Variants in AUTS2 observed in about 807,000 individuals in gnomAD.
The protein encoded by AUTS2 is activator of transcription and developmental regulator AUTS2.
In AUTS2, 17 loss-of-function variants were observed where a neutral mutation model predicts 112.4. The ratio of observed to expected loss-of-function variants is 0.15; its 90% confidence interval spans 0.10 to 0.23. AUTS2 has a LOEUF of 0.23. AUTS2 is among the 10% of genes least tolerant of loss of function. The pLI is 1.00. For missense variants in AUTS2, 1,510 were observed against 1,701.6 expected (o/e 0.89, Z 1.98); for synonymous variants, 751 against 702.7 (o/e 1.07, Z -1.09).
intron 1 of AUTS2, among the ~76,000 whole-genome samples, chr7:69,765,517 G>C (rs1174107864): frequency 6.6e-6 from 1 of 152,150 alleles, no homozygotes; most frequent in Non-Finnish European, 1.5e-5. Flanking sequence ...GGGTCTCACT[G>C]TGTTGCCCAG....
chr7:69,689,142 G>T (rs1458040363), intron 1 of AUTS2, among the ~76,000 whole-genome samples: 1 of 151,910 alleles, frequency 6.6e-6, no homozygotes, highest in Non-Finnish European at 1.5e-5. Flanking sequence ...CTACCTTGAG[G>T]TCTAGTTTCC....
intron 4 of AUTS2, among the ~76,000 whole-genome samples, chr7:70,207,087 T>A (rs1198780668): frequency 6.6e-6 from 1 of 152,202 alleles, no homozygotes; most frequent in African/African-American, 2.4e-5. Flanking sequence ...CTTTGTTCTT[T>A]TAAGGTCCTT....
chr7:70,206,164 T>C (rs1810564855), intron 4 of AUTS2, among the ~76,000 whole-genome samples: 1 of 152,172 alleles, frequency 6.6e-6, no homozygotes, highest in Non-Finnish European at 1.5e-5. Context: ...CCTCCGTTAA[T>C]GCACACTAGC....
At chr7:70,731,468 T>C (rs1012232669) in intron 6 of AUTS2, among the ~76,000 whole-genome samples, 29 of 136,822 alleles carry the variant, frequency 2.1e-4, no homozygotes, top group Admixed American at 1.2e-3. Context: ...CTCGCTCTGT[T>C]GCCCAGGCTG....
intron 1 of AUTS2, among the ~76,000 whole-genome samples, chr7:69,862,992 C>T (rs1299884375): frequency 2.0e-5 from 3 of 152,164 alleles, no homozygotes; most frequent in East Asian, 1.9e-4. Flanking sequence ...ATTTCCGAGA[C>T]GTTTGGCTCA....
At chr7:70,739,391 G>A (rs541727482) in intron 6 of AUTS2, among the ~76,000 whole-genome samples, 10 of 148,232 alleles carry the variant, frequency 6.7e-5, no homozygotes, top group African/African-American at 2.5e-4. Context: ...TGTTGCCCAG[G>A]CCCCTCTCAA....
intron 5 of AUTS2, among the ~76,000 whole-genome samples, chr7:70,697,324 G>T (rs1809171710): frequency 6.6e-6 from 1 of 152,014 alleles, no homozygotes; most frequent in Non-Finnish European, 1.5e-5. Context: ...TTTCTGGATT[G>T]GTTAATCATA....
In AUTS2 at chr7:69,599,360, G is replaced by A. The variant is rs941569037; in HGVS notation, c.-294G>A. The A allele has an allele frequency of 1.5e-5, 5 of 328,966 alleles. No individual in the cohort carries two copies. Among genetic ancestry groups the A allele is most frequent in the Non-Finnish European group, 2.7e-5 (5 of 181,822 alleles). The allele number at this position is 328,966 out of a possible 1,614,324, so 20.4% of individuals were successfully genotyped here. A position where few individuals can be genotyped will look rare whatever the true frequency, so the allele number is the denominator to read the frequency against. On this transcript the variant is annotated 5_prime_UTR_variant, in exon 1 of 19. Coordinates refer to ENST00000342771, the MANE Select transcript of AUTS2 (RefSeq NM_015570.4). The surrounding 1 kb of genome is among the most constrained non-coding windows in gnomAD (Gnocchi z 7.0). Reference sequence around the variant, plus strand: ...GTGTGTTCAGCCATTACTTTGCTCGGCGCTGCTCCCAGGCATCTCCGACCC... The same window carrying A: ...GTGTGTTCAGCCATTACTTTGCTCGACGCTGCTCCCAGGCATCTCCGACCC...
intron 4 of AUTS2, among the ~76,000 whole-genome samples, chr7:70,420,893 A>G (rs1795190286): frequency 6.6e-6 from 1 of 152,186 alleles, no homozygotes; most frequent in Non-Finnish European, 1.5e-5. Context: ...CAAATTGTGC[A>G]TTTCAAATAC....
chr7:70,128,335 C>T (rs939478098), intron 3 of AUTS2, among the ~76,000 whole-genome samples: 9 of 152,166 alleles, frequency 5.9e-5, no homozygotes, highest in Admixed American at 2.0e-4. Flanking sequence ...CATGAAGTTT[C>T]CATTCTAGTG....
intron 2 of AUTS2, among the ~76,000 whole-genome samples, chr7:69,979,928 A>T (rs1005264872): frequency 1.3e-5 from 2 of 152,124 alleles, no homozygotes; most frequent in Admixed American, 6.5e-5. Context: ...TATAGTAGTT[A>T]TTTACTGTAT....
intron 5 of AUTS2, among the ~76,000 whole-genome samples, chr7:70,562,270 T>C (rs1331097081): frequency 1.3e-5 from 2 of 152,194 alleles, no homozygotes; most frequent in Admixed American, 1.3e-4. Context: ...CTAGCAAATA[T>C]AGATTAGACC....
At chr7:70,769,794 G>A (rs530546496) in intron 10 of AUTS2, among the ~76,000 whole-genome samples, 1 of 152,274 alleles carries the variant, frequency 6.6e-6, no homozygotes, top group South Asian at 2.1e-4. Flanking sequence ...ACAGTCCTAG[G>A]CCAAAGATGG....
intron 5 of AUTS2, among the ~76,000 whole-genome samples, chr7:70,651,368 C>T (rs887972259): frequency 3.9e-5 from 6 of 152,166 alleles, no homozygotes; most frequent in Admixed American, 6.5e-5. Context: ...TTTTGTGAGG[C>T]GACTTCTGTA....
intron 1 of AUTS2, among the ~76,000 whole-genome samples, chr7:69,632,616 CCT>C (rs973620129): frequency 6.7e-6 from 1 of 149,178 alleles, no homozygotes; most frequent in African/African-American, 2.5e-5. Context: ...TCCCCTCTTC[CCT>C]CTCTGTTTTC....
intron 4 of AUTS2, among the ~76,000 whole-genome samples, chr7:70,247,578 A>G (rs756850151): frequency 2.0e-5 from 3 of 152,310 alleles, no homozygotes; most frequent in Non-Finnish European, 4.4e-5. Flanking sequence ...CTGCTGGTGT[A>G]TAGAAATACA....
At chr7:70,544,706 A>C (rs1800697931) in intron 5 of AUTS2, among the ~76,000 whole-genome samples, 1 of 152,154 alleles carries the variant, frequency 6.6e-6, no homozygotes. Flanking sequence ...GACCATGCTG[A>C]CTTTCATTTC....
chr7:70,535,712 G>T (rs1181504966), intron 5 of AUTS2, among the ~76,000 whole-genome samples: 1 of 152,194 alleles, frequency 6.6e-6, no homozygotes, highest in Non-Finnish European at 1.5e-5. Flanking sequence ...ACTGCGCCCA[G>T]CCTGTTGTGT....
intron 1 of AUTS2, among the ~76,000 whole-genome samples, chr7:69,764,842 C>CA (rs955768116): frequency 5.9e-5 from 9 of 152,148 alleles, no homozygotes; most frequent in Non-Finnish European, 1.2e-4. Flanking sequence ...TAGCCCCTTG[C>CA]ATGCAAACTT....
Sources: gnomAD v4.1 joint callset for allele counts (sites outside exome capture counted in the v4.1 genomes callset) on GRCh38, gnomAD v4.1.1 for gene constraint, Gnocchi (gnomAD v3.1) non-coding constraint, MANE v1.5 for transcripts, NCBI Gene and HGNC (gene_info 2026-07-23, HGNC 2026-07-21) for gene names.